Variants in ANAPC7 observed in about 807,000 individuals in gnomAD.
ANAPC7 encodes the protein anaphase promoting complex subunit 7.
A neutral mutation model predicts 63.3 loss-of-function variants in ANAPC7; 25 were observed. That is an observed-to-expected ratio of 0.39 (90% CI 0.29 to 0.55). ANAPC7 has a LOEUF of 0.55. Ranked by LOEUF, ANAPC7 falls within the 20% of genes least tolerant of loss-of-function variation. The pLI is 0.57. For synonymous variants in ANAPC7, 241 were observed against 251.7 expected, an observed-to-expected ratio of 0.96 and a Z score of 0.40; for missense variants, 516 against 691.7, an observed-to-expected ratio of 0.75 and a Z score of 2.85.
rs1484650106 is a variant in ANAPC7 at position 110,382,453 on chromosome 12, A to AT, written c.935+389_935+390insA. Among the ~76,000 whole-genome samples the AT allele has an allele frequency of 5.6e-3, 397 of 71,486 alleles. 1 individual carries two copies. The highest frequency in any genetic ancestry group is 8.0e-3 in the Non-Finnish European group (279 of 34,762). The allele number at this position is 71,486 out of a possible 152,430, so 46.9% of individuals were successfully genotyped here. ...CTGATTATCCTTTTAAAAAAAAAAA[A>AT]AAAAAAAAATATATATATATATATA... On this transcript the variant is annotated intron_variant, in intron 7 of 10. Transcript: ENST00000455511.
At chr12:110,392,050 CCA>C (rs1417786207) in intron 3 of ANAPC7, among the ~76,000 whole-genome samples, 2 of 136,376 alleles carry the variant, frequency 1.5e-5, no homozygotes, top group Admixed American at 1.6e-4. Flanking sequence ...CAAGATTGTG[CCA>C]CTGCACTCCA....
intron 1 of ANAPC7, among the ~76,000 whole-genome samples, chr12:110,398,144 GC>G (rs1051417779): frequency 6.6e-6 from 1 of 152,018 alleles, no homozygotes. Flanking sequence ...TACCTGGGAG[GC>G]TGAGGCAGGA....
At chr12:110,390,211 G>A (rs1033203859) in intron 3 of ANAPC7, among the ~76,000 whole-genome samples, 15 of 151,890 alleles carry the variant, frequency 9.9e-5, no homozygotes, top group Non-Finnish European at 1.6e-4. Context: ...TGGGATTACA[G>A]GCACCCGCCA....
chr12:110,394,979 A>T, intron 3 of ANAPC7, 122 bp downstream of exon 3: 1 of 1,235,820 alleles, frequency 8.1e-7, no homozygotes, highest in Non-Finnish European at 1.1e-6. Flanking sequence ...GAAGAGGAAG[A>T]AAATGAGAAT....
At chr12:110,380,074 T>G (rs1054706608) in intron 8 of ANAPC7, among the ~76,000 whole-genome samples, 1 of 152,190 alleles carries the variant, frequency 6.6e-6, no homozygotes, top group Admixed American at 6.5e-5. Flanking sequence ...TAACAGGCCA[T>G]GTACAGTGGT....
chr12:110,403,241 C>G (rs951778598), intron 1 of ANAPC7, among the ~76,000 whole-genome samples: 1 of 152,216 alleles, frequency 6.6e-6, no homozygotes, highest in Non-Finnish European at 1.5e-5. Context: ...CGCTGCCCCG[C>G]GACAGGTGCC....
At chr12:110,399,022 C>CT (rs764219174) in intron 1 of ANAPC7, among the ~76,000 whole-genome samples, 1,907 of 136,226 alleles carry the variant, frequency 0.014, 8 homozygotes, top group East Asian at 0.026. Context: ...CTGAATAATT[C>CT]TTTTTTTTTT....
chr12:110,375,408 T>C (rs1881174486), intron 10 of ANAPC7: 1 of 985,184 alleles, frequency 1.0e-6, no homozygotes, highest in Non-Finnish European at 1.2e-6. Context: ...TCAGACTCTA[T>C]TAAAGACAGC....
chr12:110,384,446 T>C (rs1284390966), intron 6 of ANAPC7, among the ~76,000 whole-genome samples: 3 of 151,482 alleles, frequency 2.0e-5, no homozygotes, highest in South Asian at 4.2e-4. Context: ...GACTCATGCC[T>C]ATAATCCCAG....
intron 2 of ANAPC7, 76 bp from the exon 3 acceptor site, chr12:110,395,296 G>T: frequency 7.3e-7 from 1 of 1,370,782 alleles, no homozygotes; most frequent in Non-Finnish European, 9.9e-7. Flanking sequence ...TAAACATAGA[G>T]TTATCATATG....
rs143061580 is a variant in ANAPC7, at chr12:110,378,164, G to A, written c.1133-547C>T. ...GGCTGGAGCGCAATGGCGCCATCTC[G>A]GCTCACTGCAATCTCCGCCTCCCGG... On this transcript the variant is annotated intron_variant, in intron 8 of 10. Coordinates refer to ENST00000455511, the MANE Select transcript of ANAPC7 (RefSeq NM_016238.3). 928 of 154,826 alleles carry A rather than the reference G, an allele frequency of 6.0e-3. 11 individuals carry two copies. Among genetic ancestry groups the A allele is most frequent in the African/African-American group, 0.021 (865 of 41,552 alleles). The allele number at this position is 154,826 out of a possible 1,614,324, so 9.6% of individuals were successfully genotyped here.
intron 1 of ANAPC7, 59 bp downstream of exon 1, chr12:110,403,468 C>A: frequency 7.2e-6 from 11 of 1,530,066 alleles, no homozygotes; most frequent in African/African-American, 1.4e-5. Context: ...CCTGAGCCCC[C>A]GCTCCCAGAC....
intron 1 of ANAPC7, among the ~76,000 whole-genome samples, chr12:110,397,296 T>C (rs1418711397): frequency 2.0e-5 from 3 of 152,022 alleles, no homozygotes; most frequent in African/African-American, 4.8e-5. Context: ...GGCTCACGCC[T>C]GTAACCCCAC....
chr12:110,385,917 T>C (rs1882408541), intron 6 of ANAPC7, among the ~76,000 whole-genome samples: 1 of 152,198 alleles, frequency 6.6e-6, no homozygotes, highest in African/African-American at 2.4e-5. Flanking sequence ...AATTACTGCC[T>C]TTAATCACCT....
chr12:110,403,271 G>A (rs540795808), intron 1 of ANAPC7, among the ~76,000 whole-genome samples: 101 of 152,282 alleles, frequency 6.6e-4, no homozygotes, highest in African/African-American at 2.3e-3. Flanking sequence ...CCTCGCCTGG[G>A]TCGTCCTCAG....
At chr12:110,398,925 C>T (rs1421205706) in intron 1 of ANAPC7, among the ~76,000 whole-genome samples, 1 of 151,584 alleles carries the variant, frequency 6.6e-6, no homozygotes, top group Admixed American at 6.6e-5. Flanking sequence ...CCAGCCTGGG[C>T]AACAAGAGCC....
rs1481092027 is a variant in ANAPC7, at chr12:110,382,869, C to G, written c.909G>C (p.Gln303His). The stretch of plus-strand genomic sequence containing the variant: ...CAGAAACCACCCACGGTTCTGCATG[C>G]TGATCAGAGATATTGAAAAGGCGGC... ...LGCRLFNISD[Q>H]HAEPWVVSGC... The change falls in exon 7 of 11, where the codon CAG becomes CAC. Residue 303 changes from glutamine to histidine, a missense_variant. Physicochemically the swap from Gln to His is conservative, Grantham distance 24. Around this residue, in one of 4 missense-constraint regions of ANAPC7, gnomAD observed 199 missense variants for 249.3 expected, o/e 0.80. Coordinates refer to ENST00000455511, the MANE Select transcript of ANAPC7 (RefSeq NM_016238.3). 6.2e-7 allele frequency: 1 copy of G among 1,613,758 alleles called. No homozygotes were observed. The highest frequency in any genetic ancestry group is 1.7e-5 in the Admixed American group (1 of 59,974).
chr12:110,381,954 G>GGAAAA lies in ANAPC7; in HGVS notation c.936-7_936-6insTTTTC. ...TGCTATAGAAGCTGTGACAGCTGGA[G>GGAAAA]AAAAAAAAAAAAAAAAAAACACAAA... On this transcript the variant is annotated splice_polypyrimidine_tract_variant and splice_region_variant and intron_variant, in intron 7 of 10. Coordinates refer to ENST00000455511, the MANE Select transcript of ANAPC7 (RefSeq NM_016238.3). The GGAAAA allele has an allele frequency of 2.0e-5, 20 of 975,624 alleles. No individual in the cohort carries two copies. Among genetic ancestry groups the GGAAAA allele is most frequent in the South Asian group, 4.1e-5 (2 of 49,304 alleles). 60.4% of individuals were successfully genotyped at this position (975,624 alleles called of 1,614,324 possible).
chr12:110,401,109 G>GTTT (rs1310153957), intron 1 of ANAPC7, among the ~76,000 whole-genome samples: 4 of 152,172 alleles, frequency 2.6e-5, no homozygotes, highest in Non-Finnish European at 5.9e-5. Flanking sequence ...GGCAGCAGCA[G>GTTT]CTGCATTGTA....
Sources: gnomAD v4.1 joint callset for allele counts (sites outside exome capture counted in the v4.1 genomes callset) on GRCh38, gnomAD v4.1.1 for gene constraint, gnomAD v4.1.1 regional missense constraint, MANE v1.5 for transcripts, NCBI Gene and HGNC (gene_info 2026-07-23, HGNC 2026-07-21) for gene names.